Variants in BRINP3 observed in about 807,000 individuals in gnomAD.
BRINP3 encodes BMP/retinoic acid-inducible neural-specific protein 3.
In BRINP3, 19 loss-of-function variants were observed where a neutral mutation model predicts 71.0. The observed-to-expected ratio is 0.27, with a 90% CI of 0.19 to 0.39. BRINP3 has a LOEUF of 0.39. BRINP3 is among the 10% of genes least tolerant of loss of function. BRINP3 has a pLI of 1.00. For missense variants in BRINP3, 959 were observed against 940.8 expected, an observed-to-expected ratio of 1.02 and a Z score of -0.25; for synonymous variants, 380 against 337.7, an observed-to-expected ratio of 1.13 and a Z score of -1.37.
chr1:190,390,835 A>G (rs981762231), intron 2 of BRINP3, among the ~76,000 whole-genome samples: 9 of 151,870 alleles, frequency 5.9e-5, no homozygotes, highest in African/African-American at 2.2e-4. Context: ...GGAGTCCTAC[A>G]GTCTCAGTGC....
chr1:190,163,633 T>C (rs892173393), intron 6 of BRINP3, among the ~76,000 whole-genome samples: 1 of 152,114 alleles, frequency 6.6e-6, no homozygotes, highest in African/African-American at 2.4e-5. Flanking sequence ...ATGTATTATA[T>C]TAATGAATTC....
At chr1:190,392,624 C>T (rs772811235) in intron 2 of BRINP3, among the ~76,000 whole-genome samples, 11 of 151,652 alleles carry the variant, frequency 7.3e-5, no homozygotes, top group Non-Finnish European at 1.0e-4. Flanking sequence ...AAGAAAGATA[C>T]TCCCAACTTG....
At chr1:190,245,439 G>A (rs1220503837) in intron 4 of BRINP3, among the ~76,000 whole-genome samples, 1 of 151,102 alleles carries the variant, frequency 6.6e-6, no homozygotes, top group Non-Finnish European at 1.5e-5. Context: ...TAAGTGCCAG[G>A]GGAAAAAAAC....
At chr1:190,321,060 A>G (rs888689706) in intron 2 of BRINP3, among the ~76,000 whole-genome samples, 1 of 152,074 alleles carries the variant, frequency 6.6e-6, no homozygotes, top group Non-Finnish European at 1.5e-5. Context: ...TAAGAGACAG[A>G]TGTTAAGAAA....
intron 6 of BRINP3, among the ~76,000 whole-genome samples, chr1:190,164,846 T>A (rs2102473131): frequency 6.6e-6 from 1 of 152,200 alleles, no homozygotes; most frequent in East Asian, 1.9e-4. Context: ...ACGCTGGAGT[T>A]TCAGGTATGA....
intron 3 of BRINP3, among the ~76,000 whole-genome samples, chr1:190,277,388 C>A (rs1272534104): frequency 6.6e-6 from 1 of 151,216 alleles, no homozygotes; most frequent in African/African-American, 2.4e-5. Flanking sequence ...CGGAGGAACT[C>A]ACAGGTTTCC....
intron 2 of BRINP3, among the ~76,000 whole-genome samples, chr1:190,431,726 C>T (rs1431882704): frequency 6.6e-6 from 1 of 151,976 alleles, no homozygotes; most frequent in Non-Finnish European, 1.5e-5. Context: ...TGAAAAAAAT[C>T]CCTGGGGAAA....
intron 2 of BRINP3, among the ~76,000 whole-genome samples, chr1:190,296,083 G>GC (rs936169303): frequency 1.4e-5 from 2 of 147,330 alleles, no homozygotes; most frequent in Non-Finnish European, 3.0e-5. Flanking sequence ...TTTTGGGGGG[G>GC]GGCTGGGCTT....
chr1:190,205,240 G>A (rs1254062873), intron 6 of BRINP3, among the ~76,000 whole-genome samples: 1 of 151,538 alleles, frequency 6.6e-6, no homozygotes, highest in Non-Finnish European at 1.5e-5. Flanking sequence ...GATCTCCTGA[G>A]GTCATTAGAT....
At chr1:190,340,460 T>C (rs1667582179) in intron 2 of BRINP3, among the ~76,000 whole-genome samples, 1 of 151,880 alleles carries the variant, frequency 6.6e-6, no homozygotes, top group Non-Finnish European at 1.5e-5. Flanking sequence ...TATTGATTGA[T>C]TTATCTCTCC....
chr1:190,281,125 A>G, intron 3 of BRINP3, among the ~76,000 whole-genome samples: 1 of 151,946 alleles, frequency 6.6e-6, no homozygotes, highest in East Asian at 1.9e-4. Flanking sequence ...ACCAGCTACA[A>G]TCTGTATCAA....
intron 2 of BRINP3, among the ~76,000 whole-genome samples, chr1:190,399,589 C>CAGAT (rs1671797233): frequency 6.6e-6 from 1 of 151,940 alleles, no homozygotes; most frequent in Non-Finnish European, 1.5e-5. Context: ...TTGGTAAATG[C>CAGAT]AGATACAAGT....
At chr1:190,201,261 T>A (rs558514205) in intron 6 of BRINP3, among the ~76,000 whole-genome samples, 1 of 152,302 alleles carries the variant, frequency 6.6e-6, no homozygotes, top group African/African-American at 2.4e-5. Flanking sequence ...TACTGGCATT[T>A]TGCCCCTGCC....
chr1:190,305,118 G>A (rs12137081), intron 2 of BRINP3, among the ~76,000 whole-genome samples: 59,815 of 151,736 alleles, frequency 0.39, 12,888 homozygotes, highest in Non-Finnish European at 0.49. Context: ...AATAAAAAGT[G>A]TAAGTAAAGA....
intron 5 of BRINP3, among the ~76,000 whole-genome samples, chr1:190,226,838 T>C (rs1228461679): frequency 1.3e-5 from 2 of 151,936 alleles, no homozygotes; most frequent in Non-Finnish European, 2.9e-5. Context: ...GTTATATAAT[T>C]CTATTTTTCA....
intron 3 of BRINP3, among the ~76,000 whole-genome samples, chr1:190,268,250 A>G (rs1661818818): frequency 6.6e-6 from 1 of 152,172 alleles, no homozygotes; most frequent in Non-Finnish European, 1.5e-5. Context: ...TTAATAAATT[A>G]GGAATCAATG....
chr1:190,232,840 A>C (rs1379661371), intron 5 of BRINP3, among the ~76,000 whole-genome samples: 2 of 152,128 alleles, frequency 1.3e-5, no homozygotes, highest in African/African-American at 4.8e-5. Context: ...TTTTATTGCA[A>C]TTCATATTCT....
intron 1 of BRINP3, among the ~76,000 whole-genome samples, chr1:190,473,858 CA>C (rs1677316575): frequency 6.6e-6 from 1 of 151,354 alleles, no homozygotes; most frequent in African/African-American, 2.4e-5. Context: ...TGCCCTTGGG[CA>C]AGCTTTCTTC....
chr1:190,155,981 A>C (rs1186165511), intron 7 of BRINP3, among the ~76,000 whole-genome samples: 1 of 152,132 alleles, frequency 6.6e-6, no homozygotes, highest in Non-Finnish European at 1.5e-5. Flanking sequence ...TGCTGTAATC[A>C]CTATCTTGTG....
Sources: gnomAD v4.1 joint callset for allele counts (sites outside exome capture counted in the v4.1 genomes callset) on GRCh38, gnomAD v4.1.1 for gene constraint, MANE v1.5 for transcripts, NCBI Gene and HGNC (gene_info 2026-07-23, HGNC 2026-07-21) for gene names.